Variants in SNTG1 observed in about 807,000 individuals in gnomAD.
SNTG1 encodes syntrophin gamma 1.
A neutral mutation model predicts 74.7 loss-of-function variants in SNTG1; 39 were observed. The ratio of observed to expected loss-of-function variants is 0.52; its 90% CI spans 0.40 to 0.68. SNTG1 has a LOEUF of 0.68. Ranked by LOEUF, SNTG1 falls within the 30% of genes least tolerant of loss-of-function variation. The probability of loss-of-function intolerance (pLI) is 0.00; values close to 1 mark genes in which losing one functional copy is unlikely to be tolerated. For synonymous variants in SNTG1, 254 were observed against 217.1 expected (o/e 1.17, Z -1.49); for missense variants, 685 against 609.5 (o/e 1.12, Z -1.30).
chr8:50,660,327 GAAGA>G lies in SNTG1; in HGVS notation c.1038+1677_1038+1680del, dbSNP rs1225225511. Among the ~76,000 whole-genome samples, 73 of 145,642 alleles carry G rather than the reference GAAGA, an allele frequency of 5.0e-4. 1 individual carries two copies. The highest frequency in any genetic ancestry group is 3.6e-3 in the Middle Eastern group (1 of 276). On this transcript the variant is annotated intron_variant, in intron 15 of 18. Coordinates refer to ENST00000642720, the MANE Select transcript of SNTG1 (RefSeq NM_018967.5). ...AGAAAGAGAGACAGTAAGAAGGAAA[GAAGA>G]AAGAAAGAAAGAGAAAGAAAGAAAG... is the stretch of plus-strand genomic sequence containing the variant.
intron 1 of SNTG1, among the ~76,000 whole-genome samples, chr8:50,146,433 G>A (rs945476282): frequency 6.6e-6 from 1 of 152,062 alleles, no homozygotes; most frequent in African/African-American, 2.4e-5. Flanking sequence ...CAGGAGAATC[G>A]CTGGTACCTG....
intron 4 of SNTG1, among the ~76,000 whole-genome samples, chr8:50,409,034 G>A (rs2092914787): frequency 6.6e-6 from 1 of 152,102 alleles, no homozygotes; most frequent in Non-Finnish European, 1.5e-5. Context: ...TAAAGAAGGT[G>A]ACTTAACAAT....
chr8:50,439,144 AG>A (rs2093334745), intron 5 of SNTG1, among the ~76,000 whole-genome samples: 1 of 152,146 alleles, frequency 6.6e-6, no homozygotes, highest in African/African-American at 2.4e-5. Context: ...CAAATTTTAA[AG>A]GCCTTTATTT....
chr8:49,958,061 A>T (rs182254937), intron 1 of SNTG1, among the ~76,000 whole-genome samples: 3 of 152,290 alleles, frequency 2.0e-5, no homozygotes, highest in African/African-American at 7.2e-5. Flanking sequence ...ACAGTTAAAG[A>T]TTTAACTCTT....
intron 2 of SNTG1, among the ~76,000 whole-genome samples, chr8:50,246,497 T>G (rs373143359): frequency 2.6e-4 from 14 of 52,932 alleles, no homozygotes; most frequent in African/African-American, 5.4e-4. Flanking sequence ...GAAACATTAG[T>G]GTCTTTCTTT....
intron 17 of SNTG1, among the ~76,000 whole-genome samples, chr8:50,726,256 A>G (rs991965658): frequency 1.3e-5 from 2 of 152,208 alleles, no homozygotes; most frequent in Non-Finnish European, 2.9e-5. Flanking sequence ...ATTAATAAAT[A>G]AAATATTTTA....
At chr8:50,433,674 A>G (rs969732505) in intron 4 of SNTG1, among the ~76,000 whole-genome samples, 11 of 152,152 alleles carry the variant, frequency 7.2e-5, no homozygotes, top group African/African-American at 2.2e-4. Flanking sequence ...TGCTGTGATA[A>G]TTACTTAGAA....
chr8:50,439,613 A>T (rs781706580), intron 5 of SNTG1, among the ~76,000 whole-genome samples: 6 of 151,988 alleles, frequency 3.9e-5, no homozygotes, highest in Admixed American at 6.6e-5. Flanking sequence ...ACTTTATCTT[A>T]TCACCAACTA....
intron 15 of SNTG1, among the ~76,000 whole-genome samples, chr8:50,673,610 T>C (rs2095295791): frequency 1.3e-5 from 2 of 152,154 alleles, no homozygotes; most frequent in African/African-American, 4.8e-5. Flanking sequence ...TATAGAAATA[T>C]GTCATCTGCA....
At chr8:50,209,888 A>G (rs1042638723) in intron 2 of SNTG1, among the ~76,000 whole-genome samples, 12 of 151,798 alleles carry the variant, frequency 7.9e-5, no homozygotes, top group Non-Finnish European at 1.8e-4. Context: ...TGTTGAGTTG[A>G]GAGAAGAAGA....
chr8:50,647,716 T>A (rs1240230964), intron 13 of SNTG1, among the ~76,000 whole-genome samples: 1 of 152,282 alleles, frequency 6.6e-6, no homozygotes, highest in Non-Finnish European at 1.5e-5. Context: ...ATGGGGCATG[T>A]TTTGTGATAA....
intron 15 of SNTG1, among the ~76,000 whole-genome samples, chr8:50,688,510 G>A (rs1218794965): frequency 6.6e-6 from 1 of 152,174 alleles, no homozygotes; most frequent in Non-Finnish European, 1.5e-5. Flanking sequence ...TTATTAAATA[G>A]GGAATCCTTT....
intron 1 of SNTG1, chr8:49,914,893 T>C (rs1338317317): frequency 6.6e-6 from 1 of 152,142 alleles, no homozygotes. Context: ...AATCTCACCT[T>C]CCCAGAAATC....
chr8:50,042,925 A>C (rs1483114646), intron 1 of SNTG1, among the ~76,000 whole-genome samples: 1 of 152,200 alleles, frequency 6.6e-6, no homozygotes, highest in African/African-American at 2.4e-5. Flanking sequence ...CTATTTAGCA[A>C]TTAAAGCAAT....
In SNTG1 at chr8:49,960,595, A is replaced by G. The variant is rs553004590; in HGVS notation, c.-103+48364A>G. ...GGGTGCCTTATAGCCATAAGATGCT[A>G]CAGTTCAAATGGCACCATGTGTTAG... On this transcript the variant is annotated intron_variant, in intron 1 of 18. Coordinates refer to ENST00000642720, the MANE Select transcript of SNTG1 (RefSeq NM_018967.5). Among the ~76,000 whole-genome samples, 414 of 152,272 alleles carry G rather than the reference A, an allele frequency of 2.7e-3. 1 individual carries two copies. The highest frequency in any genetic ancestry group is 9.6e-3 in the African/African-American group (399 of 41,552).
At chr8:50,321,263 T>C (rs560535475) in intron 2 of SNTG1, among the ~76,000 whole-genome samples, 1 of 152,272 alleles carries the variant, frequency 6.6e-6, no homozygotes, top group South Asian at 2.1e-4. Flanking sequence ...TCTTGCTGAA[T>C]TGACTCCTTT....
intron 1 of SNTG1, among the ~76,000 whole-genome samples, chr8:49,956,999 AG>A (rs1373767927): frequency 6.6e-6 from 1 of 152,192 alleles, no homozygotes. Context: ...AGGGGATAGG[AG>A]GGTGAGGGAA....
intron 18 of SNTG1, among the ~76,000 whole-genome samples, chr8:50,759,629 T>C (rs1172823144): frequency 1.3e-5 from 2 of 151,984 alleles, no homozygotes; most frequent in Non-Finnish European, 2.9e-5. Flanking sequence ...AGATGTGTGG[T>C]ATTATTTCTG....
chr8:50,649,265 A>AGGTG (rs2131221594), intron 13 of SNTG1, among the ~76,000 whole-genome samples: 1 of 152,190 alleles, frequency 6.6e-6, no homozygotes, highest in South Asian at 2.1e-4. Flanking sequence ...GAGGAGTCCG[A>AGGTG]GGTGGGTGAA....
Sources: gnomAD v4.1 joint callset for allele counts (sites outside exome capture counted in the v4.1 genomes callset) on GRCh38, gnomAD v4.1.1 for gene constraint, MANE v1.5 for transcripts, NCBI Gene and HGNC (gene_info 2026-07-23, HGNC 2026-07-21) for gene names.